The following UTRN variants were observed in gnomAD, a reference collection of about 807,000 sequenced individuals.
UTRN encodes dystrophin-related protein 1.
UTRN carries 283 observed loss-of-function variants against 463.9 expected under a neutral mutation model. The observed-to-expected ratio is 0.61, with a 90% CI of 0.55 to 0.67. The LOEUF (loss-of-function observed/expected upper bound fraction) is 0.67. Ranked by LOEUF, UTRN falls within the 30% of genes least tolerant of loss-of-function variation. UTRN has a pLI of 0.00. For synonymous variants in UTRN, 1,442 were observed against 1,431.5 expected, an observed-to-expected ratio of 1.01 and a Z score of -0.17; for missense variants, 3,922 against 4,084.3, an observed-to-expected ratio of 0.96 and a Z score of 1.08.
chr6:144,377,375 C>T (rs370664270), intron 2 of UTRN, among the ~76,000 whole-genome samples: 2 of 152,322 alleles, frequency 1.3e-5, no homozygotes, highest in East Asian at 3.9e-4. Context: ...CAGGAATATA[C>T]ATGTGCTTGT....
At chr6:144,395,267 G>A (rs987526061) in intron 2 of UTRN, among the ~76,000 whole-genome samples, 6 of 152,054 alleles carry the variant, frequency 3.9e-5, no homozygotes, top group Non-Finnish European at 5.9e-5. Flanking sequence ...CAATTTTAAT[G>A]AAAATCTTCA....
At chr6:144,788,261 T>G (rs962819702) in intron 61 of UTRN, among the ~76,000 whole-genome samples, 1 of 152,176 alleles carries the variant, frequency 6.6e-6, no homozygotes, top group African/African-American at 2.4e-5. Context: ...CACTGACTAT[T>G]AAAATTGCAA....
At chr6:144,819,576 C>G (rs1490783954) in intron 65 of UTRN, among the ~76,000 whole-genome samples, 4 of 151,904 alleles carry the variant, frequency 2.6e-5, no homozygotes, top group African/African-American at 9.7e-5. Context: ...ACCTGTAGTC[C>G]CAGCTACTCA....
intron 2 of UTRN, among the ~76,000 whole-genome samples, chr6:144,295,072 A>C (rs936796904): frequency 6.6e-6 from 1 of 152,250 alleles, no homozygotes; most frequent in African/African-American, 2.4e-5. Flanking sequence ...TATTATTAAC[A>C]GCCTTAATTA....
At chr6:144,803,007 G>A (rs1167087832) in intron 64 of UTRN, 29 bp from the exon 65 acceptor site, 1 of 1,455,912 alleles carries the variant, frequency 6.9e-7, no homozygotes, top group Non-Finnish European at 9.2e-7. Flanking sequence ...AGTAATGCAA[G>A]CCAATAAATT....
At position 144,821,512 on chromosome 6, in the gene UTRN, T is replaced by A. The variant is rs1779602887; in HGVS notation, c.9494+494T>A. ...AAAGTATCACATTATGATTCTAATC[T>A]ATTTTTTATTGAAAATGAAGACAGC... On this transcript the variant is annotated intron_variant, in intron 66 of 74. Coordinates refer to ENST00000367545, the MANE Select transcript of UTRN (RefSeq NM_007124.3). 2.0e-5 allele frequency among the ~76,000 whole-genome samples: 3 copies of A among 152,032 alleles called. No homozygotes were observed. The South Asian group carries it at 6.2e-4, about 32-fold the overall frequency.
chr6:144,798,879 C>A (rs141241339), intron 64 of UTRN, among the ~76,000 whole-genome samples: 2 of 152,194 alleles, frequency 1.3e-5, no homozygotes, highest in African/African-American at 4.8e-5. Context: ...GTAGCTGGGA[C>A]TACAGGTGCA....
intron 3 of UTRN, among the ~76,000 whole-genome samples, chr6:144,411,061 C>T (rs757703033): frequency 2.6e-5 from 4 of 152,090 alleles, no homozygotes; most frequent in Non-Finnish European, 5.9e-5. Flanking sequence ...TGTATAATGA[C>T]TTCTTTTCCT....
At chr6:144,371,869 G>T (rs1780017314) in intron 2 of UTRN, among the ~76,000 whole-genome samples, 1 of 152,168 alleles carries the variant, frequency 6.6e-6, no homozygotes, top group South Asian at 2.1e-4. Flanking sequence ...AAAAGAGGGG[G>T]TTGTTGACTA....
intron 2 of UTRN, among the ~76,000 whole-genome samples, chr6:144,320,020 G>GT (rs1049868387): frequency 3.3e-5 from 5 of 151,898 alleles, no homozygotes; most frequent in African/African-American, 1.2e-4. Context: ...CGCCCGGCTA[G>GT]TTTTTGTATT....
chr6:144,736,479 C>T (rs1461821051), intron 54 of UTRN, among the ~76,000 whole-genome samples: 1 of 151,958 alleles, frequency 6.6e-6, no homozygotes, highest in African/African-American at 2.4e-5. Context: ...AAATTTTTTC[C>T]ATTACTAATT....
chr6:144,418,631 A>T (rs61620395), intron 3 of UTRN, among the ~76,000 whole-genome samples: 5,361 of 151,698 alleles, frequency 0.035, 295 homozygotes, highest in African/African-American at 0.11. Context: ...AGTGGCATGC[A>T]GTCTCCATCT....
intron 51 of UTRN, among the ~76,000 whole-genome samples, chr6:144,614,125 C>T (rs1167642108): frequency 6.6e-6 from 1 of 151,854 alleles, no homozygotes; most frequent in Non-Finnish European, 1.5e-5. Flanking sequence ...ATTAATTTTA[C>T]CAATGGTTGC....
intron 33 of UTRN, among the ~76,000 whole-genome samples, chr6:144,494,690 C>G (rs1480528664): frequency 6.6e-6 from 1 of 152,104 alleles, no homozygotes; most frequent in Non-Finnish European, 1.5e-5. Flanking sequence ...ATGTCCCCAC[C>G]AGATTAGCTA....
At chr6:144,646,381 A>T (rs1047503496) in intron 51 of UTRN, among the ~76,000 whole-genome samples, 7 of 152,184 alleles carry the variant, frequency 4.6e-5, no homozygotes, top group African/African-American at 1.4e-4. Flanking sequence ...TTTTTTCCAC[A>T]GTTAGCTCAC....
At chr6:144,487,338 C>T (rs1414257297) in intron 28 of UTRN, among the ~76,000 whole-genome samples, 1 of 152,110 alleles carries the variant, frequency 6.6e-6, no homozygotes, top group African/African-American at 2.4e-5. Context: ...TATCATATAT[C>T]ACTTGTGCTA....
rs531685619 is a variant in UTRN, at chr6:144,482,139, A to G, written c.3508-70A>G. The G allele has an allele frequency of 1.1e-5, 15 of 1,327,700 alleles. No homozygotes were observed. The African/African-American group carries it at 1.8e-4, about 16-fold the overall frequency. 82.2% of individuals were successfully genotyped at this position (1,327,700 alleles called of 1,614,324 possible). On this transcript the variant is annotated intron_variant, in intron 26 of 74. Transcript: ENST00000367545. ...CTTTGGTTTAATTCTTGAAAAAAAA[A>G]GAAAGAAAAGAAATTGGTTACTGAG...
At chr6:144,511,936 A>G (rs908486097) in intron 35 of UTRN, among the ~76,000 whole-genome samples, 1 of 152,182 alleles carries the variant, frequency 6.6e-6, no homozygotes, top group Non-Finnish European at 1.5e-5. Flanking sequence ...TCAAATTTAT[A>G]GAATTACTAG....
At chr6:144,512,573 A>G (rs1054672974) in intron 35 of UTRN, among the ~76,000 whole-genome samples, 7 of 146,878 alleles carry the variant, frequency 4.8e-5, no homozygotes, top group Non-Finnish European at 7.5e-5. Context: ...TTTTTTTCTG[A>G]GGCTGGGTGT....
Sources: allele counts gnomAD v4.1 joint callset (sites outside exome capture counted in the v4.1 genomes callset), GRCh38; gene constraint gnomAD v4.1.1; transcripts MANE v1.5; gene names NCBI Gene and HGNC (gene_info 2026-07-23, HGNC 2026-07-21).